AGBL4: variants seen among roughly 807,000 people sequenced by gnomAD.
The protein encoded by AGBL4 is AGBL carboxypeptidase 4, also known as cytosolic carboxypeptidase 6.
AGBL4 carries 58 observed loss-of-function variants against 66.4 expected under a neutral mutation model. The observed-to-expected ratio is 0.87, with a 90% CI of 0.71 to 1.09. AGBL4 has a LOEUF of 1.09. Ranked by LOEUF, AGBL4 falls within the 50% of genes least tolerant of loss-of-function variation. AGBL4 has a pLI of 0.00. For synonymous variants in AGBL4, 234 were observed against 222.9 expected (o/e 1.05, Z -0.44); for missense variants, 579 against 631.0 (o/e 0.92, Z 0.88).
intron 2 of AGBL4, among the ~76,000 whole-genome samples, chr1:49,741,360 G>A (rs1046065625): frequency 6.6e-6 from 1 of 152,080 alleles, no homozygotes; most frequent in Non-Finnish European, 1.5e-5. Flanking sequence ...TGAAGAAGTT[G>A]AATCTCTGAA....
chr1:49,013,042 C>T (rs944991484), intron 5 of AGBL4, among the ~76,000 whole-genome samples: 1 of 152,198 alleles, frequency 6.6e-6, no homozygotes, highest in Non-Finnish European at 1.5e-5. Context: ...CAAGCAGGCC[C>T]TCACCAGAAG....
chr1:49,175,102 A>G (rs972910809), intron 4 of AGBL4: 9 of 152,116 alleles, frequency 5.9e-5, no homozygotes, highest in African/African-American at 2.2e-4. Context: ...AAAAAAAATT[A>G]TTCTAATGTA....
intron 1 of AGBL4, among the ~76,000 whole-genome samples, chr1:49,935,037 T>C (rs967238181): frequency 6.6e-6 from 1 of 152,220 alleles, no homozygotes; most frequent in Non-Finnish European, 1.5e-5. Context: ...AGGCATTGCC[T>C]CACTCGGGAA....
chr1:50,018,458 A>C (rs1376627025), intron 1 of AGBL4, among the ~76,000 whole-genome samples: 2 of 152,110 alleles, frequency 1.3e-5, no homozygotes, highest in Non-Finnish European at 2.9e-5. Flanking sequence ...TTCATCTAAG[A>C]ATGAAATTTT....
chr1:49,655,801 G>T lies in AGBL4; in HGVS notation c.282+41512C>A, dbSNP rs574015411. 5.9e-5 allele frequency among the ~76,000 whole-genome samples: 9 copies of T among 152,248 alleles called. No individual in the cohort carries two copies. The East Asian group carries it at 1.5e-3, about 26-fold the overall frequency. Reference sequence around the variant, plus strand: ...AAAAGATCAACAAAATTGATAGACTGCTAGCAAGACTCATAAAGAAAAGAG... The same window carrying T: ...AAAAGATCAACAAAATTGATAGACTTCTAGCAAGACTCATAAAGAAAAGAG... On this transcript the variant is annotated intron_variant, in intron 3 of 13. Coordinates refer to ENST00000371839, the MANE Select transcript of AGBL4 (RefSeq NM_032785.4).
intron 2 of AGBL4, among the ~76,000 whole-genome samples, chr1:49,744,293 C>CCT (rs149425253): frequency 5.3e-5 from 8 of 149,736 alleles, no homozygotes; most frequent in South Asian, 2.1e-4. Context: ...TCATCTCCAC[C>CCT]CTCTCTCTCT....
intron 3 of AGBL4, among the ~76,000 whole-genome samples, chr1:49,657,335 C>G (rs1344906127): frequency 2.0e-5 from 3 of 152,274 alleles, no homozygotes; most frequent in Middle Eastern, 3.4e-3. Context: ...GAACTACAAA[C>G]CACTGCTCAA....
rs1302370755 is a variant in AGBL4, at chr1:49,445,655, T to C, written c.283-199791A>G. Among the ~76,000 whole-genome samples, 4 of 152,236 alleles carry C rather than the reference T, an allele frequency of 2.6e-5. No homozygotes were observed. In the East Asian group the frequency reaches 7.7e-4, roughly 29 times the overall value. Reference sequence around the variant, plus strand: ...TCTTATCTAGTCTACTGTCGAAGGTTTCAAATGTGTTTTGTATTGTCTTGA... The same window carrying C: ...TCTTATCTAGTCTACTGTCGAAGGTCTCAAATGTGTTTTGTATTGTCTTGA... On this transcript the variant is annotated intron_variant, in intron 3 of 13. Coordinates refer to ENST00000371839, the MANE Select transcript of AGBL4 (RefSeq NM_032785.4).
At chr1:49,454,356 C>A (rs1411157013) in intron 3 of AGBL4, among the ~76,000 whole-genome samples, 1 of 151,782 alleles carries the variant, frequency 6.6e-6, no homozygotes, top group Non-Finnish European at 1.5e-5. Flanking sequence ...GAAGTACCTT[C>A]ATACCAAGAG....
chr1:49,773,813 A>G (rs1359202683), intron 2 of AGBL4, among the ~76,000 whole-genome samples: 1 of 152,174 alleles, frequency 6.6e-6, no homozygotes, highest in Non-Finnish European at 1.5e-5. Context: ...GAATGGGTGC[A>G]CACAGGCCCA....
chr1:49,414,333 C>T lies in AGBL4; in HGVS notation c.283-168469G>A, dbSNP rs988393152. On this transcript the variant is annotated intron_variant, in intron 3 of 13. Transcript: ENST00000371839. The stretch of plus-strand genomic sequence containing the variant: ...GAAAAAATGAAAGTTGCACCATTCA[C>T]TTTATTTATTTTGATAAGATCTGTT... Among the ~76,000 whole-genome samples the T allele has an allele frequency of 2.0e-5, 3 of 152,228 alleles. No homozygotes were observed. The South Asian group carries it at 6.2e-4, about 32-fold the overall frequency.
chr1:49,504,795 C>T (rs932231953), intron 3 of AGBL4, among the ~76,000 whole-genome samples: 1 of 151,946 alleles, frequency 6.6e-6, no homozygotes, highest in Admixed American at 6.6e-5. Context: ...TTTATCTATT[C>T]CAGCATGCTA....
At chr1:49,393,519 T>C (rs1644892721) in intron 3 of AGBL4, among the ~76,000 whole-genome samples, 1 of 152,186 alleles carries the variant, frequency 6.6e-6, no homozygotes, top group Non-Finnish European at 1.5e-5. Context: ...GTCTTGCCTC[T>C]AACAGAGCTC....
At chr1:49,395,833 A>AGG in intron 3 of AGBL4, among the ~76,000 whole-genome samples, 1 of 72,962 alleles carries the variant, frequency 1.4e-5, no homozygotes, top group African/African-American at 6.2e-5. Context: ...ATATATGTGT[A>AGG]TATATATATA....
At chr1:49,920,433 T>C (rs1346478048) in intron 1 of AGBL4, among the ~76,000 whole-genome samples, 1 of 152,240 alleles carries the variant, frequency 6.6e-6, no homozygotes, top group East Asian at 1.9e-4. Context: ...GGGCAAAGGA[T>C]ATGAACAGAC....
chr1:49,911,304 G>C (rs915682305), intron 1 of AGBL4, among the ~76,000 whole-genome samples: 2 of 152,096 alleles, frequency 1.3e-5, no homozygotes, highest in Non-Finnish European at 2.9e-5. Flanking sequence ...ATTGTTGAGA[G>C]GAAGAAATGG....
chr1:49,797,472 C>T (rs1006701908), intron 2 of AGBL4, among the ~76,000 whole-genome samples: 8 of 152,116 alleles, frequency 5.3e-5, no homozygotes, highest in African/African-American at 1.9e-4. Context: ...CTTGCTCTGT[C>T]GCCCAGGCTA....
Position 49,384,452 on chromosome 1 carries a change from G to T in AGBL4, c.283-138588C>A, listed in dbSNP as rs372535495. Among the ~76,000 whole-genome samples, 8 of 151,942 alleles carry T rather than the reference G, an allele frequency of 5.3e-5. 1 individual carries two copies. The highest frequency in any genetic ancestry group is 5.2e-4 in the Admixed American group (8 of 15,264). On this transcript the variant is annotated intron_variant, in intron 3 of 13. Transcript: ENST00000371839. The stretch of plus-strand genomic sequence containing the variant: ...ACTAAAAAATACAAAAATTAGCTGG[G>T]TGTGGTGGTGTGCACCTGTAGGCCC...
chr1:49,097,597 G>A (rs540985730), intron 4 of AGBL4, among the ~76,000 whole-genome samples: 15 of 152,296 alleles, frequency 9.8e-5, no homozygotes, highest in Admixed American at 8.5e-4. Flanking sequence ...TTTTATTTTT[G>A]TGAGACAAGA....
Sources: gnomAD v4.1 joint callset for allele counts (sites outside exome capture counted in the v4.1 genomes callset) on GRCh38, gnomAD v4.1.1 for gene constraint, MANE v1.5 for transcripts, NCBI Gene and HGNC (gene_info 2026-07-23, HGNC 2026-07-21) for gene names.